IAH1: variants seen among roughly 807,000 people sequenced by gnomAD.
The protein encoded by IAH1 is isoamyl acetate-hydrolyzing esterase 1 homolog.
Under a neutral mutation model 26.7 loss-of-function variants are expected in IAH1, and 24 were observed. The observed-to-expected ratio is 0.90, with a 90% CI of 0.65 to 1.26. The LOEUF (loss-of-function observed/expected upper bound fraction) is 1.26, where lower values mean the gene tolerates loss of function less well. Ranked by LOEUF, IAH1 falls within the 50% of genes most tolerant of loss-of-function variation. The pLI is 0.00. For synonymous variants in IAH1, 140 were observed against 118.5 expected (o/e 1.18, Z -1.18); for missense variants, 300 against 299.9 (o/e 1.00, Z 0.00).
downstream of IAH1, chr2:9,490,152 TAAGTC>T (rs1278771314): frequency 2.6e-6 from 4 of 1,560,928 alleles, no homozygotes; most frequent in Non-Finnish European, 3.5e-6. Context: ...TTTGCACACT[TAAGTC>T]AGAAGAGCTG....
chr2:9,508,029 C>T, the IAH1 span, among the ~76,000 whole-genome samples: 1 of 152,154 alleles, frequency 6.6e-6, no homozygotes, highest in African/African-American at 2.4e-5. Context: ...TCTTACAGGG[C>T]TGTTTTGAAG....
intron 3 of IAH1, among the ~76,000 whole-genome samples, chr2:9,479,159 A>G (rs144044657): frequency 1.3e-3 from 194 of 152,318 alleles, no homozygotes; most frequent in African/African-American, 3.9e-3. Context: ...ACTGCACACT[A>G]ACCATTATAT....
At chr2:9,490,316 T>C (rs775739935), downstream of IAH1, 1 of 1,614,146 alleles carries the variant, frequency 6.2e-7, no homozygotes, top group East Asian at 2.2e-5. Context: ...GAAGGGGTCC[T>C]TCTCAAACCC....
downstream of IAH1, among the ~76,000 whole-genome samples, chr2:9,501,468 G>A (rs955482626): frequency 1.3e-5 from 2 of 152,176 alleles, no homozygotes; most frequent in African/African-American, 2.4e-5. Context: ...AGGGACGTAG[G>A]AGGATGTGAT....
Position 9,475,989 on chromosome 2 carries a change from T to A in IAH1, c.84T>A (p.Phe28Leu). ...LLLFGDSITQFSFQQGGWGAS... is the reference protein window; with the variant it reads ...LLLFGDSITQLSFQQGGWGAS... ...ATAATGGGCTTTTCTTCCTCCAGTT[T>A]TCCTTCCAGCAGGGTGGATGGGGAG... Residue 28 changes from phenylalanine (F) to leucine (L), a missense_variant and splice_region_variant, in exon 2 of 6, where the codon TTT (phenylalanine) becomes TTA (leucine). Transcript: ENST00000497473. The A allele has an allele frequency of 6.2e-7, 1 of 1,613,660 alleles. No individual in the cohort carries two copies. Among genetic ancestry groups the A allele is most frequent in the Non-Finnish European group, 8.5e-7 (1 of 1,179,840 alleles).
the IAH1 span, among the ~76,000 whole-genome samples, chr2:9,504,015 G>A: frequency 6.6e-6 from 1 of 151,850 alleles, no homozygotes; most frequent in Non-Finnish European, 1.5e-5. Flanking sequence ...AATTAGCCAG[G>A]TGGCACACAC....
At chr2:9,484,794 AC>A in intron 5 of IAH1, 1 of 435,234 alleles carries the variant, frequency 2.3e-6, no homozygotes. Flanking sequence ...TCAATGAGCA[AC>A]ACATGGCTCA....
In IAH1 at chr2:9,474,571, C is replaced by A. The variant is rs780082190; in HGVS notation, c.5C>A (p.Ala2Glu). 9 of 1,513,860 alleles carry A rather than the reference C, an allele frequency of 5.9e-6. No homozygotes were observed. Among genetic ancestry groups the A allele is most frequent in the Non-Finnish European group, 7.0e-6 (8 of 1,135,154 alleles). 93.8% of individuals were successfully genotyped at this position (1,513,860 alleles called of 1,614,324 possible). A position where few individuals can be genotyped will look rare whatever the true frequency, so the allele number is the denominator to read the frequency against. M[A>E]LCEAAGCGSA... ...CCCGCCCCGCCCGGCTGCTCCATGGCGCTGTGCGAGGCCGCGGGCTGCGGG... is the reference window on the plus strand; with the variant it reads ...CCCGCCCCGCCCGGCTGCTCCATGGAGCTGTGCGAGGCCGCGGGCTGCGGG... The change falls in exon 1 of 6, where the codon GCG becomes GAG. Residue 2 changes from alanine to glutamate, a missense_variant. Physicochemically the swap from Ala to Glu is moderately radical, Grantham distance 107 (BLOSUM62 -1). Transcript: ENST00000497473. The surrounding 1 kb of genome is among the most constrained non-coding windows in gnomAD (Gnocchi z 4.3).
At chr2:9,494,626 T>C, downstream of IAH1, 1 of 1,613,426 alleles carries the variant, frequency 6.2e-7, no homozygotes, top group Non-Finnish European at 8.5e-7. Context: ...AAGCTGTACA[T>C]AAATACTCAC....
chr2:9,479,545 CA>C (rs1281761559), intron 3 of IAH1, among the ~76,000 whole-genome samples: 2 of 152,018 alleles, frequency 1.3e-5, no homozygotes, highest in Non-Finnish European at 2.9e-5. Context: ...GAAAACTTAT[CA>C]AAAAATGCCA....
chr2:9,484,618 A>G (rs1661372234), intron 5 of IAH1, 68 bp downstream of exon 5: 3 of 1,066,890 alleles, frequency 2.8e-6, no homozygotes, highest in Middle Eastern at 4.7e-4. Context: ...GTGTGTGTGC[A>G]GCAGCTTTCC....
Position 9,488,159 on chromosome 2 carries a change from T to A in IAH1, c.577T>A (p.Tyr193Asn). Reference protein sequence around the residue: ...LMQDSQDFSSYLSDGLHLSPK... With the variant: ...LMQDSQDFSSNLSDGLHLSPK... The stretch of plus-strand genomic sequence containing the variant: ...CTCTCCCTTCTAGGACTTCTCATCT[T>A]ATTTATCAGATGGACTACATTTGTC... The change falls in exon 6 of 6, where the codon TAT (tyrosine) becomes AAT (asparagine). Residue 193 changes from tyrosine (Y) to asparagine (N), a missense_variant. Transcript: ENST00000497473. 6.2e-7 allele frequency: 1 copy of A among 1,606,034 alleles called. No homozygotes were observed. The highest frequency in any genetic ancestry group is 8.5e-7 in the Non-Finnish European group (1 of 1,177,194).
At position 9,488,479 on chromosome 2, in the gene IAH1, A is replaced by C. The variant is rs1371341238; in HGVS notation, c.*150A>C. 2 of 555,646 alleles carry C rather than the reference A, an allele frequency of 3.6e-6. No individual in the cohort carries two copies. Among genetic ancestry groups the C allele is most frequent in the Non-Finnish European group, 6.1e-6 (2 of 330,380 alleles). The allele number at this position is 555,646 out of a possible 1,614,324, so 34.4% of individuals were successfully genotyped here. A position where few individuals can be genotyped will look rare whatever the true frequency, so the allele number is the denominator to read the frequency against. On this transcript the variant is annotated 3_prime_UTR_variant, in exon 6 of 6. Coordinates refer to ENST00000497473, the MANE Select transcript of IAH1 (RefSeq NM_001039613.3). ...GATTTTTCAGGGAAGTTTTATACTT[A>C]GGTCCATTGTGTTTCGACAGTATTT...
intron 2 of IAH1, 120 bp downstream of exon 2, chr2:9,476,159 C>A: frequency 1.2e-6 from 1 of 805,400 alleles, no homozygotes; most frequent in Non-Finnish European, 2.1e-6. Flanking sequence ...GCTTGCCTCC[C>A]CTAATCAGTA....
chr2:9,509,870 C>T, the IAH1 span: 1 of 1,396,634 alleles, frequency 7.2e-7, no homozygotes, highest in Non-Finnish European at 9.7e-7. Context: ...ATTTGCACAT[C>T]CATCCCTAGG....
At chr2:9,487,835 C>CGT (rs1452313099) in intron 5 of IAH1, among the ~76,000 whole-genome samples, 16 of 58,124 alleles carry the variant, frequency 2.8e-4, no homozygotes, top group African/African-American at 1.1e-3. Context: ...TGTGTGTGTG[C>CGT]GCGCGCGCGC....
At chr2:9,498,261 G>A (rs959410574), downstream of IAH1, among the ~76,000 whole-genome samples, 4 of 152,054 alleles carry the variant, frequency 2.6e-5, no homozygotes, top group Non-Finnish European at 5.9e-5. Flanking sequence ...TAAAACTGCT[G>A]GGCTCAAGGG....
At chr2:9,509,930 T>C in the IAH1 span, 5 of 1,604,414 alleles carry the variant, frequency 3.1e-6, no homozygotes, top group South Asian at 3.3e-5. Context: ...ATGATCATTA[T>C]ACACAGCCTC....
intron 6 of IAH1, among the ~76,000 whole-genome samples, chr2:9,495,670 C>T (rs1007917376): frequency 8.6e-5 from 13 of 151,034 alleles, no homozygotes; most frequent in South Asian, 4.2e-4. Context: ...CCTGAGATCG[C>T]GCCACTGCAC....
Sources: gnomAD v4.1 joint callset for allele counts (sites outside exome capture counted in the v4.1 genomes callset) on GRCh38, gnomAD v4.1.1 for gene constraint, Gnocchi (gnomAD v3.1) non-coding constraint, MANE v1.5 for transcripts, NCBI Gene and HGNC (gene_info 2026-07-23, HGNC 2026-07-21) for gene names.